EIPR1: variants seen among roughly 807,000 people sequenced by gnomAD.
The protein encoded by EIPR1 is EARP and GARP complex-interacting protein 1.
A neutral mutation model predicts 48.1 loss-of-function variants in EIPR1; 25 were observed. The ratio of observed to expected loss-of-function variants is 0.52; its 90% CI spans 0.38 to 0.73. EIPR1 has a LOEUF of 0.73. Ranked by LOEUF, EIPR1 falls within the 30% of genes least tolerant of loss-of-function variation. The pLI is 0.00. For synonymous variants in EIPR1, 204 were observed against 201.9 expected, an observed-to-expected ratio of 1.01 and a Z score of -0.09; for missense variants, 415 against 506.2, an observed-to-expected ratio of 0.82 and a Z score of 1.73.
At chr2:3,253,111 CT>C (rs1667051831) in intron 4 of EIPR1, among the ~76,000 whole-genome samples, 1 of 152,154 alleles carries the variant, frequency 6.6e-6, no homozygotes. Context: ...CTGAAGTTTC[CT>C]CTGCAATAAG....
intron 3 of EIPR1, chr2:3,282,759 G>A (rs1319877564): frequency 1.3e-5 from 2 of 152,298 alleles, no homozygotes; most frequent in African/African-American, 2.4e-5. Context: ...TGTGCCCGGC[G>A]GGTGCCCATT....
At chr2:3,288,128 G>A (rs1249155491) in intron 3 of EIPR1, among the ~76,000 whole-genome samples, 1 of 152,220 alleles carries the variant, frequency 6.6e-6, no homozygotes, top group East Asian at 1.9e-4. Flanking sequence ...TGAGAGCAGC[G>A]GGTGGGGCAG....
chr2:3,218,429 TGC>T (rs1665727053), intron 4 of EIPR1, among the ~76,000 whole-genome samples: 1 of 145,370 alleles, frequency 6.9e-6, no homozygotes, highest in African/African-American at 2.6e-5. Context: ...GTGAGTCAGG[TGC>T]ACACCCAACA....
chr2:3,265,688 G>A (rs937585829), intron 3 of EIPR1, among the ~76,000 whole-genome samples: 5 of 152,166 alleles, frequency 3.3e-5, no homozygotes, highest in South Asian at 4.1e-4. Flanking sequence ...GGCACAAACC[G>A]CAGCAGCACT....
chr2:3,250,568 A>G (rs1295658207), intron 4 of EIPR1, among the ~76,000 whole-genome samples: 4 of 152,162 alleles, frequency 2.6e-5, no homozygotes, highest in Non-Finnish European at 5.9e-5. Context: ...TTGTGATGTG[A>G]GAAGGACATG....
chr2:3,281,521 A>C (rs1419494643), intron 3 of EIPR1, among the ~76,000 whole-genome samples: 1 of 152,094 alleles, frequency 6.6e-6, no homozygotes, highest in African/African-American at 2.4e-5. Flanking sequence ...GAGATGAAAA[A>C]ACTGAGGAAA....
chr2:3,346,291 T>C (rs941218228), intron 2 of EIPR1, among the ~76,000 whole-genome samples: 1 of 152,258 alleles, frequency 6.6e-6, no homozygotes, highest in African/African-American at 2.4e-5. Flanking sequence ...TGATGGAATT[T>C]GCAGCAAAAT....
chr2:3,196,215 A>G (rs1664801850), intron 6 of EIPR1, among the ~76,000 whole-genome samples: 1 of 152,224 alleles, frequency 6.6e-6, no homozygotes, highest in African/African-American at 2.4e-5. Flanking sequence ...CCACCCTGGA[A>G]TCAACACGAG....
At chr2:3,363,253 C>T (rs59475246) in intron 1 of EIPR1, among the ~76,000 whole-genome samples, 25,860 of 151,764 alleles carry the variant, frequency 0.17, 2,539 homozygotes, top group East Asian at 0.37. Context: ...CAAAGGGAGA[C>T]GGGCAGGGAA....
At chr2:3,311,612 T>G (rs1214009356) in intron 3 of EIPR1, among the ~76,000 whole-genome samples, 1 of 152,152 alleles carries the variant, frequency 6.6e-6, no homozygotes, top group Non-Finnish European at 1.5e-5. Context: ...CCCTACTAAC[T>G]CCTGTCTCAC....
intron 3 of EIPR1, among the ~76,000 whole-genome samples, chr2:3,307,597 G>A (rs1668986168): frequency 6.6e-6 from 1 of 152,364 alleles, no homozygotes; most frequent in Non-Finnish European, 1.5e-5. Context: ...AGCAGCCCGG[G>A]CACGGAAAGA....
intron 5 of EIPR1, among the ~76,000 whole-genome samples, chr2:3,198,594 G>A (rs1409640490): frequency 3.3e-5 from 5 of 152,062 alleles, no homozygotes; most frequent in African/African-American, 7.3e-5. Flanking sequence ...TGTGTCGGTC[G>A]GTCTGAGAAA....
In EIPR1 at chr2:3,334,906, T is replaced by A. The variant is rs144087011; in HGVS notation, c.259+3111A>T. Reference sequence around the variant, plus strand: ...GAAGCCACGACTGGAAATCACGAGATCCAGGGTAACTTGAAGGACACAATC... The same window carrying A: ...GAAGCCACGACTGGAAATCACGAGAACCAGGGTAACTTGAAGGACACAATC... On this transcript the variant is annotated intron_variant, in intron 3 of 8. Transcript: ENST00000382125. 4.1e-4 allele frequency among the ~76,000 whole-genome samples: 62 copies of A among 152,314 alleles called. No homozygotes were observed. In the East Asian group the frequency reaches 0.012, roughly 28 times the overall value.
At chr2:3,244,776 G>A (rs1225732697) in intron 4 of EIPR1, among the ~76,000 whole-genome samples, 3 of 152,216 alleles carry the variant, frequency 2.0e-5, no homozygotes, top group African/African-American at 7.2e-5. Flanking sequence ...CCTGGTTTAT[G>A]GGATTGTGCT....
At chr2:3,214,379 TAC>T (rs1413049098) in intron 4 of EIPR1, 131 bp from the exon 5 acceptor site, 8 of 757,194 alleles carry the variant, frequency 1.1e-5, no homozygotes, top group Non-Finnish European at 1.7e-5. Flanking sequence ...GAGTATTTTT[TAC>T]ACTGTCACCC....
intron 3 of EIPR1, among the ~76,000 whole-genome samples, chr2:3,287,728 C>G (rs534443337): frequency 4.6e-5 from 7 of 152,296 alleles, no homozygotes; most frequent in South Asian, 4.1e-4. Context: ...AGCTCGTTCA[C>G]CACGCTCTAG....
chr2:3,197,926 C>G lies in EIPR1; in HGVS notation c.517-909G>C, dbSNP rs529209432. Among the ~76,000 whole-genome samples, 203 of 152,302 alleles carry G rather than the reference C, an allele frequency of 1.3e-3. 1 individual carries two copies. Among genetic ancestry groups the G allele is most frequent in the African/African-American group, 4.5e-3 (189 of 41,562 alleles). On this transcript the variant is annotated intron_variant, in intron 5 of 8. Coordinates refer to ENST00000382125, the MANE Select transcript of EIPR1 (RefSeq NM_003310.5). ...TGGCCAGGCTGAGGGCAGGTCCAAA[C>G]GAGCTGCTAGACAGGCCGTGAGAGG...
At chr2:3,220,957 T>C (rs13023199) in intron 4 of EIPR1, among the ~76,000 whole-genome samples, 70,078 of 83,146 alleles carry the variant, frequency 0.84, 29,640 homozygotes, top group East Asian at 0.92. Context: ...CAGGTGCACA[T>C]GCACACGATG....
At chr2:3,233,571 C>T (rs1666309085) in intron 4 of EIPR1, among the ~76,000 whole-genome samples, 1 of 152,216 alleles carries the variant, frequency 6.6e-6, no homozygotes, top group Non-Finnish European at 1.5e-5. Context: ...ATCCCTTCCC[C>T]AAGCCAACCT....
Sources: gnomAD v4.1 joint callset for allele counts (sites outside exome capture counted in the v4.1 genomes callset) on GRCh38, gnomAD v4.1.1 for gene constraint, MANE v1.5 for transcripts, NCBI Gene and HGNC (gene_info 2026-07-23, HGNC 2026-07-21) for gene names.